MACF1: variants seen among roughly 807,000 people sequenced by gnomAD.
MACF1 encodes the protein microtubule-actin cross-linking factor 1.
A neutral mutation model predicts 854.8 loss-of-function variants in MACF1; 193 were observed. The observed-to-expected ratio is 0.23, with a 90% CI of 0.20 to 0.25. The LOEUF (loss-of-function observed/expected upper bound fraction) is 0.25, where lower values mean the gene tolerates loss of function less well. MACF1 is among the 10% of genes least tolerant of loss of function. MACF1 has a pLI of 1.00. For synonymous variants in MACF1, 3,185 were observed against 3,226.7 expected (o/e 0.99, Z 0.44); for missense variants, 7,722 against 8,929.1 (o/e 0.86, Z 5.45).
intron 2 of MACF1, among the ~76,000 whole-genome samples, chr1:39,169,764 T>C (rs966223042): frequency 1.5e-5 from 2 of 134,102 alleles, no homozygotes; most frequent in African/African-American, 5.6e-5. Context: ...GCCCTTTCTT[T>C]CTTTCTTTCT....
At chr1:39,462,844 C>A (rs1024819292) in intron 93 of MACF1, among the ~76,000 whole-genome samples, 3 of 152,124 alleles carry the variant, frequency 2.0e-5, no homozygotes, top group African/African-American at 7.2e-5. Context: ...CATCTAGAAA[C>A]CCTAACATCT....
rs773056636 is a variant in MACF1 at position 39,334,588 on chromosome 1, C to T, written c.8000C>T (p.Ser2667Phe). 2.9e-5 allele frequency: 47 copies of T among 1,614,082 alleles called. No homozygotes were observed. The highest frequency in any genetic ancestry group is 4.0e-5 in the Non-Finnish European group (47 of 1,180,008). ...GTGAGCGACAAAGTGCTTACATTGT[C>T]TCAAGCAATTCAGCTTGGAAAAGTA... The part of the protein sequence containing the change: ...DGVSDKVLTL[S>F]QAIQLGKVDF... The change falls in exon 37 of 101, where the codon TCT (serine) becomes TTT (phenylalanine). Residue 2667 changes from serine (S) to phenylalanine (F), a missense_variant. Ser to Phe is a radical substitution (Grantham distance 155). This residue lies in a region of MACF1 where 1,531 missense variants were observed against 1,601.6 expected (regional missense o/e 0.96). Coordinates refer to ENST00000564288, the MANE Select transcript of MACF1 (RefSeq NM_001394062.1).
intron 57 of MACF1, among the ~76,000 whole-genome samples, chr1:39,386,261 A>G (rs1240166653): frequency 8.8e-6 from 1 of 114,048 alleles, no homozygotes; most frequent in Non-Finnish European, 1.8e-5. Context: ...TTTTTTTTTT[A>G]ATATTATGCA....
Position 39,410,115 on chromosome 1 carries a change from C to T in MACF1, c.15817-12259C>T, listed in dbSNP as rs893452711. ...AGCTTCTCCCAGAATGGTTTCAAAA[C>T]GGAACTTCCAGGCCTTTCTGGAGGG... On this transcript the variant is annotated intron_variant, in intron 58 of 100. Transcript: ENST00000564288. The T allele has an allele frequency of 4.9e-5, 27 of 545,636 alleles. No individual in the cohort carries two copies. In the East Asian group the frequency reaches 6.4e-4, roughly 13 times the overall value. 33.8% of individuals were successfully genotyped at this position (545,636 alleles called of 1,614,324 possible).
At position 39,387,461 on chromosome 1, in the gene MACF1, A is replaced by G; in HGVS notation, c.14619A>G (p.Leu4873=). 1 of 1,614,192 alleles carries G rather than the reference A, an allele frequency of 6.2e-7. No homozygotes were observed. Among genetic ancestry groups the G allele is most frequent in the Middle Eastern group, 1.6e-4 (1 of 6,062 alleles). The change falls in exon 58 of 101, where the codon CTA becomes CTG. Residue 4873 remains leucine, a synonymous_variant. Coordinates refer to ENST00000564288, the MANE Select transcript of MACF1 (RefSeq NM_001394062.1). ...CTCCTGGAGAAGAGAAAAGGACTCT[A>G]CAAAACCAGTTGGTTGAGCTCAAAA... ...SVPPGEEKRT[L]QNQLVELKNH...
At position 39,093,369 on chromosome 1, in the gene MACF1, G is replaced by A. The variant is rs182915081; in HGVS notation, c.220+8931G>A. 4.6e-3 allele frequency among the ~76,000 whole-genome samples: 610 copies of A among 131,618 alleles called. 4 individuals are homozygous for A. Among genetic ancestry groups the A allele is most frequent in the African/African-American group, 0.016 (564 of 34,978 alleles). 86.3% of individuals were successfully genotyped at this position (131,618 alleles called of 152,430 possible). Reference sequence around the variant, plus strand: ...TTGCTCTTGTTGCCCAGGCTGGAGTGCAATGGCTCAATCTCTGCTCATTGC... The same window carrying A: ...TTGCTCTTGTTGCCCAGGCTGGAGTACAATGGCTCAATCTCTGCTCATTGC... On this transcript the variant is annotated intron_variant, in intron 2 of 93. Coordinates refer to the MACF1 transcript ENST00000361689.
At chr1:39,479,104 G>A (rs144389639) in intron 97 of MACF1, among the ~76,000 whole-genome samples, 6 of 152,246 alleles carry the variant, frequency 3.9e-5, no homozygotes, top group Admixed American at 2.6e-4. Flanking sequence ...TTCCCGTGCC[G>A]ACTCCACGTT....
intron 60 of MACF1, among the ~76,000 whole-genome samples, chr1:39,423,653 T>A (rs868392792): frequency 0.015 from 1,976 of 133,218 alleles, 29 homozygotes; most frequent in Non-Finnish European, 0.02. Context: ...AAAAAAAAAA[T>A]GTTTATAATA....
chr1:39,253,904 AC>A (rs760274523), intron 4 of MACF1, among the ~76,000 whole-genome samples: 25 of 152,144 alleles, frequency 1.6e-4, no homozygotes, highest in Non-Finnish European at 2.9e-4. Context: ...AGGACTTTCC[AC>A]CCTTTCTCTA....
intron 53 of MACF1, among the ~76,000 whole-genome samples, chr1:39,378,825 A>C (rs1476217012): frequency 1.3e-5 from 2 of 152,220 alleles, no homozygotes; most frequent in Non-Finnish European, 2.9e-5. Flanking sequence ...ACTAGAGATA[A>C]TCTAGTCTAG....
At chr1:39,168,815 A>T (rs967356655) in intron 2 of MACF1, among the ~76,000 whole-genome samples, 1 of 152,070 alleles carries the variant, frequency 6.6e-6, no homozygotes, top group Non-Finnish European at 1.5e-5. Context: ...GATCGTAGAG[A>T]TGGGGGTCTC....
intron 2 of MACF1, among the ~76,000 whole-genome samples, chr1:39,098,769 T>A (rs955015294): frequency 7.9e-5 from 12 of 152,164 alleles, no homozygotes; most frequent in African/African-American, 2.9e-4. Context: ...GGATCTTGTC[T>A]TCCTGGGTGG....
intron 52 of MACF1, 31 bp downstream of exon 52, chr1:39,372,627 T>G (rs1275981357): frequency 6.9e-7 from 1 of 1,443,618 alleles, no homozygotes; most frequent in East Asian, 2.3e-5. Context: ...ATATAGTGAA[T>G]AAAAATTGCT....
At chr1:39,186,043 C>T (rs1644164436) in intron 2 of MACF1, among the ~76,000 whole-genome samples, 1 of 151,958 alleles carries the variant, frequency 6.6e-6, no homozygotes, top group Non-Finnish European at 1.5e-5. Context: ...GTCCTCTCTC[C>T]CTTTGGTTAT....
At chr1:39,298,134 CA>C (rs58387428) in intron 21 of MACF1, among the ~76,000 whole-genome samples, 16 of 144,386 alleles carry the variant, frequency 1.1e-4, no homozygotes, top group South Asian at 4.3e-4. Flanking sequence ...CTCTCTTATG[CA>C]AAAAAAAAAC....
rs531680048 is a variant in MACF1, at chr1:39,099,363, G to A, written c.220+14925G>A. Reference sequence around the variant, plus strand: ...GTAGAGACGCGGTTTCACCATATTGGTCAGGCTGGCCTCGAACTCCTGACC... The same window carrying A: ...GTAGAGACGCGGTTTCACCATATTGATCAGGCTGGCCTCGAACTCCTGACC... On this transcript the variant is annotated intron_variant, in intron 2 of 93. Coordinates refer to the MACF1 transcript ENST00000361689. Among the ~76,000 whole-genome samples, 6 of 152,258 alleles carry A rather than the reference G, an allele frequency of 3.9e-5. No homozygotes were observed. The East Asian group carries it at 9.7e-4, about 24-fold the overall frequency.
intron 2 of MACF1, among the ~76,000 whole-genome samples, chr1:39,138,673 T>G (rs372592242): frequency 1.3e-5 from 2 of 150,996 alleles, no homozygotes; most frequent in African/African-American, 4.9e-5. Context: ...GCCAAATAAT[T>G]TTTTTTTTGG....
intron 52 of MACF1, 95 bp downstream of exon 52, chr1:39,372,691 G>C (rs549544305): frequency 1.2e-6 from 1 of 853,140 alleles, no homozygotes; most frequent in East Asian, 2.5e-5. Context: ...TGAAAATCAA[G>C]GTTGGATATG....
chr1:39,357,001 A>G (rs1003500657), intron 44 of MACF1, among the ~76,000 whole-genome samples: 4 of 152,212 alleles, frequency 2.6e-5, no homozygotes, highest in Non-Finnish European at 4.4e-5. Context: ...TACTGTTTAG[A>G]GAGTGACTGA....
Sources: allele counts gnomAD v4.1 joint callset (sites outside exome capture counted in the v4.1 genomes callset), GRCh38; gene constraint gnomAD v4.1.1; regional missense constraint gnomAD v4.1.1; transcripts MANE v1.5; gene names NCBI Gene and HGNC (gene_info 2026-07-23, HGNC 2026-07-21).